The following CPEB3 variants were observed in gnomAD, a reference collection of about 807,000 sequenced individuals.
CPEB3 encodes cytoplasmic polyadenylation element binding protein 3, also known as cytoplasmic polyadenylation element-binding protein 3.
In CPEB3, 20 loss-of-function variants were observed where a neutral mutation model predicts 67.2. The ratio of observed to expected loss-of-function variants is 0.30; its 90% confidence interval spans 0.21 to 0.43. The LOEUF is 0.43. Ranked by LOEUF, CPEB3 falls within the 20% of genes least tolerant of loss-of-function variation. The pLI is 1.00. For missense variants in CPEB3, 746 were observed against 968.6 expected (o/e 0.77, Z 3.05); for synonymous variants, 376 against 393.1 (o/e 0.96, Z 0.51).
chr10:92,258,132 C>G (rs892935093), intron 1 of CPEB3, among the ~76,000 whole-genome samples: 4 of 149,462 alleles, frequency 2.7e-5, no homozygotes. Flanking sequence ...AAGTCTCGCT[C>G]TGTCACCCAG....
intron 6 of CPEB3, among the ~76,000 whole-genome samples, chr10:92,112,324 T>C (rs1439740715): frequency 6.6e-6 from 1 of 152,058 alleles, no homozygotes; most frequent in Non-Finnish European, 1.5e-5. Flanking sequence ...TTTGTATTTT[T>C]AGTAGAGACA....
At chr10:92,197,961 G>A (rs752438135) in intron 2 of CPEB3, among the ~76,000 whole-genome samples, 14 of 152,030 alleles carry the variant, frequency 9.2e-5, no homozygotes, top group Non-Finnish European at 1.9e-4. Context: ...ACAAAAATTA[G>A]CCGGTGTGGT....
chr10:92,055,607 T>C (rs1842080271), intron 9 of CPEB3, among the ~76,000 whole-genome samples: 1 of 152,196 alleles, frequency 6.6e-6, no homozygotes, highest in African/African-American at 2.4e-5. Flanking sequence ...TGGTCTGCTA[T>C]CATATCTAAA....
intron 6 of CPEB3, among the ~76,000 whole-genome samples, chr10:92,122,396 A>G (rs1003816859): frequency 1.3e-5 from 2 of 152,198 alleles, no homozygotes; most frequent in Non-Finnish European, 2.9e-5. Context: ...GTGGGTGGTA[A>G]GAGTTGAAGC....
chr10:92,058,504 G>A (rs1303503676), intron 9 of CPEB3, among the ~76,000 whole-genome samples: 5 of 151,836 alleles, frequency 3.3e-5, no homozygotes, highest in Middle Eastern at 3.4e-3. Context: ...AGCTGAGATC[G>A]TGCCACTGCA....
At chr10:92,124,577 C>T (rs936527869) in intron 6 of CPEB3, among the ~76,000 whole-genome samples, 2 of 151,096 alleles carry the variant, frequency 1.3e-5, no homozygotes, top group African/African-American at 4.9e-5. Context: ...AATCACCAAA[C>T]AGTGTGAGCA....
At position 92,052,338 on chromosome 10, in the gene CPEB3, G is replaced by A; in HGVS notation, c.1971C>T (p.Thr657=). The part of the protein sequence containing the change: ...KFAPFFCANV[T]CLQYYCEYCW... ...AGTATTCACAGTAATACTGCAGACA[G>A]GTGACGTTGGCACAGAAGAACGGGG... Residue 657 remains threonine (T), a synonymous_variant, in exon 10 of 10, where the codon ACC becomes ACT. Transcript: ENST00000265997. 1 of 1,614,232 alleles carries A rather than the reference G, an allele frequency of 6.2e-7. No homozygotes were observed. The highest frequency in any genetic ancestry group is 8.5e-7 in the Non-Finnish European group (1 of 1,180,044).
At chr10:92,180,035 C>A (rs1848395149) in intron 4 of CPEB3, among the ~76,000 whole-genome samples, 1 of 152,112 alleles carries the variant, frequency 6.6e-6, no homozygotes, top group African/African-American at 2.4e-5. Flanking sequence ...AACTTAAAGT[C>A]TAAAAGATTC....
Position 92,187,740 on chromosome 10 carries a change from G to A in CPEB3, c.1165+4737C>T, listed in dbSNP as rs561917680. ...AAGACAATAGGGATGAATCTTTTTCGTTATCTCTTACCCCACCTCTCTCAA... is the reference window on the plus strand; with the variant it reads ...AAGACAATAGGGATGAATCTTTTTCATTATCTCTTACCCCACCTCTCTCAA... On this transcript the variant is annotated intron_variant, in intron 3 of 9. Coordinates refer to ENST00000265997, the MANE Select transcript of CPEB3 (RefSeq NM_014912.5). Among the ~76,000 whole-genome samples the A allele has an allele frequency of 1.5e-4, 23 of 152,056 alleles. No homozygotes were observed. In the East Asian group the frequency reaches 2.5e-3, roughly 17 times the overall value.
intron 6 of CPEB3, among the ~76,000 whole-genome samples, chr10:92,138,541 T>C (rs1025425561): frequency 6.7e-6 from 1 of 148,804 alleles, no homozygotes; most frequent in South Asian, 2.1e-4. Flanking sequence ...GTGAAAGATC[T>C]GAATAGGCAT....
At chr10:92,168,988 GT>G (rs1847880878) in intron 4 of CPEB3, among the ~76,000 whole-genome samples, 1 of 150,770 alleles carries the variant, frequency 6.6e-6, no homozygotes, top group Admixed American at 6.6e-5. Context: ...TAGAGATGGG[GT>G]TTCATCATAT....
chr10:92,116,997 G>A (rs1845061367), intron 6 of CPEB3, among the ~76,000 whole-genome samples: 1 of 152,162 alleles, frequency 6.6e-6, no homozygotes, highest in East Asian at 1.9e-4. Flanking sequence ...GGCCAGGTGT[G>A]TGAAGTGTAA....
Position 92,240,307 on chromosome 10 carries a change from TG to T in CPEB3, c.43del (p.Gln15SerfsTer67), listed in dbSNP as rs2134679256. On this transcript the variant is annotated frameshift_variant, in exon 2 of 10. Transcript: ENST00000265997. LOFTEE classifies it high-confidence loss of function. ...LLMDKSKTQP[Q>X]PQQQQRQQQQ... ...CTGCTGCCGCTGCTGCTGCTGGGGCTGGGGCTGGGTTTTGCTTTTGTCCATC... is the reference window on the plus strand; with the variant it reads ...CTGCTGCCGCTGCTGCTGCTGGGGCTGGGCTGGGTTTTGCTTTTGTCCATC... The T allele has an allele frequency of 6.6e-7, 1 of 1,506,004 alleles. No individual in the cohort carries two copies. Among genetic ancestry groups the T allele is most frequent in the Admixed American group, 2.4e-5 (1 of 41,932 alleles). 93.3% of individuals were successfully genotyped at this position (1,506,004 alleles called of 1,614,324 possible).
intron 1 of CPEB3, among the ~76,000 whole-genome samples, chr10:92,269,170 GA>G (rs113105958): frequency 7.1e-4 from 101 of 141,428 alleles, no homozygotes; most frequent in South Asian, 8.9e-4. Flanking sequence ...CAATGCCCAG[GA>G]AAAAAAAAAA....
chr10:92,180,891 A>T, intron 4 of CPEB3, 72 bp downstream of exon 4: 1 of 833,494 alleles, frequency 1.2e-6, no homozygotes, highest in Non-Finnish European at 2.1e-6. Flanking sequence ...GTAACCAACA[A>T]TCAAGAATGT....
chr10:92,185,280 A>G (rs1455709530), intron 3 of CPEB3, among the ~76,000 whole-genome samples: 1 of 152,204 alleles, frequency 6.6e-6, no homozygotes, highest in Admixed American at 6.5e-5. Flanking sequence ...TGGAAGGCAT[A>G]CTTGGTTTTA....
Position 92,280,830 on chromosome 10 carries a change from GCTCACTGTAACC to G in CPEB3, c.-12+10084_-12+10095del, listed in dbSNP as rs138890990. On this transcript the variant is annotated intron_variant, in intron 1 of 9. Coordinates refer to ENST00000265997, the MANE Select transcript of CPEB3 (RefSeq NM_014912.5). ...GCTGGAGTACAGTGGCGGGATTTCAGCTCACTGTAACCCCCGCCTCCTGGGTTCAAGCAATTC... is the reference window on the plus strand; with the variant it reads ...GCTGGAGTACAGTGGCGGGATTTCAGCCCGCCTCCTGGGTTCAAGCAATTC... Among the ~76,000 whole-genome samples, 1,616 of 137,254 alleles carry G rather than the reference GCTCACTGTAACC, an allele frequency of 0.012. 88 individuals carry two copies. The East Asian group carries it at 0.16, about 14-fold the overall frequency. The allele number at this position is 137,254 out of a possible 152,430, so 90.0% of individuals were successfully genotyped here. A position where few individuals can be genotyped will look rare whatever the true frequency, so the allele number is the denominator to read the frequency against.
chr10:92,125,627 G>A (rs546733718), intron 6 of CPEB3, among the ~76,000 whole-genome samples: 1 of 152,248 alleles, frequency 6.6e-6, no homozygotes, highest in East Asian at 1.9e-4. Flanking sequence ...TTTCCCAGTG[G>A]GCAATGAGGG....
chr10:92,205,470 C>CTTTTTT (rs34029695), intron 2 of CPEB3, among the ~76,000 whole-genome samples: 50 of 91,010 alleles, frequency 5.5e-4, no homozygotes, highest in Non-Finnish European at 7.8e-4. Flanking sequence ...AAATTCAGTC[C>CTTTTTT]TTTTTTTTTT....
Sources: allele counts gnomAD v4.1 joint callset (sites outside exome capture counted in the v4.1 genomes callset), GRCh38; gene constraint gnomAD v4.1.1; transcripts MANE v1.5; gene names NCBI Gene and HGNC (gene_info 2026-07-23, HGNC 2026-07-21).